Variants in ZFYVE9 observed in about 807,000 individuals in gnomAD.
ZFYVE9 encodes zinc finger FYVE domain-containing protein 9.
Under a neutral mutation model 126.7 loss-of-function variants are expected in ZFYVE9, and 43 were observed. That is an observed-to-expected ratio of 0.34 (90% CI 0.27 to 0.44). ZFYVE9 has a LOEUF of 0.44. Ranked by LOEUF, ZFYVE9 falls within the 20% of genes least tolerant of loss-of-function variation. The probability of loss-of-function intolerance (pLI) is 1.00; values close to 1 mark genes in which losing one functional copy is unlikely to be tolerated. For synonymous variants in ZFYVE9, 521 were observed against 597.4 expected (o/e 0.87, Z 1.87); for missense variants, 1,476 against 1,697.0 (o/e 0.87, Z 2.29).
chr1:52,160,067 G>A (rs574058900), intron 1 of ZFYVE9, among the ~76,000 whole-genome samples: 230 of 152,080 alleles, frequency 1.5e-3, no homozygotes, highest in African/African-American at 5.4e-3. Flanking sequence ...ATGTGAAGGA[G>A]CGTCCAGAAA....
intron 1 of ZFYVE9, among the ~76,000 whole-genome samples, chr1:52,174,031 C>T (rs1444385874): frequency 6.6e-6 from 1 of 151,316 alleles, no homozygotes; most frequent in African/African-American, 2.4e-5. Flanking sequence ...TTAGTTATTT[C>T]TTGCCTTCTG....
intron 13 of ZFYVE9, among the ~76,000 whole-genome samples, chr1:52,312,698 C>T (rs759803101): frequency 3.4e-4 from 52 of 152,170 alleles, no homozygotes; most frequent in Non-Finnish European, 6.2e-4. Flanking sequence ...TGCTCTGCTA[C>T]AAGAGTGACT....
intron 10 of ZFYVE9, among the ~76,000 whole-genome samples, chr1:52,292,033 CT>C (rs1359729643): frequency 1.3e-5 from 2 of 151,988 alleles, no homozygotes; most frequent in African/African-American, 4.8e-5. Flanking sequence ...AATCCCAGCA[CT>C]TTGGGAGGCC....
chr1:52,292,889 A>C (rs985280674), intron 10 of ZFYVE9, among the ~76,000 whole-genome samples: 1 of 152,196 alleles, frequency 6.6e-6, no homozygotes, highest in Admixed American at 6.5e-5. Flanking sequence ...TACTTAGACA[A>C]ACTTCAACAA....
At chr1:52,336,387 T>TTTTTTTTTTTTTTTTTTTTC (rs71041895) in intron 15 of ZFYVE9, among the ~76,000 whole-genome samples, 1 of 145,388 alleles carries the variant, frequency 6.9e-6, no homozygotes, top group Non-Finnish European at 1.5e-5. Flanking sequence ...TTTTTTTTTT[T>TTTTTTTTTTTTTTTTTTTTC]AAGATGGAGG....
At chr1:52,285,242 A>T (rs1645846518) in intron 10 of ZFYVE9, among the ~76,000 whole-genome samples, 2 of 152,168 alleles carry the variant, frequency 1.3e-5, no homozygotes, top group Non-Finnish European at 2.9e-5. Flanking sequence ...ATTTATTAAG[A>T]ACCTTATTTT....
At chr1:52,222,924 T>TA (rs1443993954) in intron 2 of ZFYVE9, among the ~76,000 whole-genome samples, 2 of 152,196 alleles carry the variant, frequency 1.3e-5, no homozygotes, top group African/African-American at 4.8e-5. Context: ...GTGGCCGACT[T>TA]ATTCTTATAT....
intron 16 of ZFYVE9, among the ~76,000 whole-genome samples, chr1:52,339,848 C>A (rs1157618935): frequency 6.6e-6 from 1 of 152,100 alleles, no homozygotes; most frequent in Non-Finnish European, 1.5e-5. Flanking sequence ...TTTGATTAAT[C>A]AATTTCTTTA....
chr1:52,344,208 AG>A (rs1646464904), intron 17 of ZFYVE9, among the ~76,000 whole-genome samples: 1 of 152,146 alleles, frequency 6.6e-6, no homozygotes, highest in African/African-American at 2.4e-5. Context: ...GTGCTGACAC[AG>A]TTCCCGCCTC....
At chr1:52,164,387 T>C (rs2124515953) in intron 1 of ZFYVE9, among the ~76,000 whole-genome samples, 1 of 152,186 alleles carries the variant, frequency 6.6e-6, no homozygotes, top group South Asian at 2.1e-4. Flanking sequence ...CTAATTTTTG[T>C]ATTTTTAGCA....
intron 10 of ZFYVE9, among the ~76,000 whole-genome samples, chr1:52,285,177 A>T (rs947909219): frequency 6.6e-6 from 1 of 152,222 alleles, no homozygotes; most frequent in Admixed American, 6.5e-5. Flanking sequence ...TCTGTGTACC[A>T]TTAATAATAT....
chr1:52,148,690 G>A (rs1644326361), intron 1 of ZFYVE9, among the ~76,000 whole-genome samples: 1 of 150,484 alleles, frequency 6.6e-6, no homozygotes, highest in Non-Finnish European at 1.5e-5. Flanking sequence ...TGCCCAGGCT[G>A]GAGTGCGGTG....
intron 10 of ZFYVE9, among the ~76,000 whole-genome samples, chr1:52,287,412 A>G (rs1398860812): frequency 6.6e-6 from 1 of 152,122 alleles, no homozygotes; most frequent in Non-Finnish European, 1.5e-5. Flanking sequence ...CATGCAGTCT[A>G]ATCTTTTATT....
chr1:52,266,853 T>G, intron 6 of ZFYVE9, 22 bp downstream of exon 6: 1 of 1,537,340 alleles, frequency 6.5e-7, no homozygotes, highest in Non-Finnish European at 8.7e-7. Context: ...TGTGCTATTC[T>G]CTCTCTTTTT....
Position 52,233,166 on chromosome 1 carries a change from T to A in ZFYVE9, c.-36-5T>A. On this transcript the variant is annotated splice_polypyrimidine_tract_variant and splice_region_variant and intron_variant, in intron 2 of 18. Coordinates refer to ENST00000287727, the MANE Select transcript of ZFYVE9 (RefSeq NM_004799.4). ...TTCAAAATGTAATACGCATTTACTTTTTAGGTTTAAACAAGTCTCTTAAGT... is the reference window on the plus strand; with the variant it reads ...TTCAAAATGTAATACGCATTTACTTATTAGGTTTAAACAAGTCTCTTAAGT... 7.1e-7 allele frequency: 1 copy of A among 1,399,206 alleles called. No homozygotes were observed. The highest frequency in any genetic ancestry group is 9.6e-7 in the Non-Finnish European group (1 of 1,040,730). 86.7% of individuals were successfully genotyped at this position (1,399,206 alleles called of 1,614,324 possible). A position where few individuals can be genotyped will look rare whatever the true frequency, so the allele number is the denominator to read the frequency against.
chr1:52,329,761 C>T (rs557586009), intron 13 of ZFYVE9, among the ~76,000 whole-genome samples: 4 of 152,064 alleles, frequency 2.6e-5, no homozygotes, highest in African/African-American at 7.2e-5. Context: ...AAAAATTAGC[C>T]GGGCATGGTG....
chr1:52,322,508 G>C (rs1219088464), intron 13 of ZFYVE9, among the ~76,000 whole-genome samples: 1 of 151,100 alleles, frequency 6.6e-6, no homozygotes, highest in Non-Finnish European at 1.5e-5. Context: ...CTCCCGAGTA[G>C]CTGGGACTAC....
At position 52,194,156 on chromosome 1, in the gene ZFYVE9, TTGAG is replaced by T. The variant is rs544811213; in HGVS notation, c.-142-22208_-142-22205del. ...CTGGAAAGATATCTAGGATATATCA[TTGAG>T]TGAGAAAAACAAGTTATAGAGCCTT... On this transcript the variant is annotated intron_variant, in intron 1 of 18. Coordinates refer to ENST00000287727, the MANE Select transcript of ZFYVE9 (RefSeq NM_004799.4). 1.2e-4 allele frequency among the ~76,000 whole-genome samples: 18 copies of T among 152,216 alleles called. No homozygotes were observed. The South Asian group carries it at 3.7e-3, about 32-fold the overall frequency.
At chr1:52,340,354 C>T (rs946469872) in intron 17 of ZFYVE9, 123 bp downstream of exon 17, 4 of 691,798 alleles carry the variant, frequency 5.8e-6, no homozygotes, top group Admixed American at 5.7e-5. Context: ...AAATCTTTCT[C>T]GTTTATACTA....
Sources: allele counts gnomAD v4.1 joint callset (sites outside exome capture counted in the v4.1 genomes callset), GRCh38; gene constraint gnomAD v4.1.1; transcripts MANE v1.5; gene names NCBI Gene and HGNC (gene_info 2026-07-23, HGNC 2026-07-21).